TTLL10: variants seen among roughly 807,000 people sequenced by gnomAD.
TTLL10 encodes tubulin tyrosine ligase like 10.
TTLL10 carries 61 observed loss-of-function variants against 69.0 expected under a neutral mutation model. The observed-to-expected ratio is 0.88, with a 90% CI of 0.72 to 1.09. The LOEUF (loss-of-function observed/expected upper bound fraction) is 1.09. Among genes scored for constraint, TTLL10 ranks in the 50% least tolerant of loss-of-function variants. The probability of loss-of-function intolerance (pLI) is 0.00; values close to 1 mark genes in which losing one functional copy is unlikely to be tolerated. For synonymous variants in TTLL10, 408 were observed against 393.3 expected (o/e 1.04, Z -0.44); for missense variants, 962 against 945.9 (o/e 1.02, Z -0.22).
At chr1:1,188,466 G>A (rs1261278076) in intron 13 of TTLL10, among the ~76,000 whole-genome samples, 6 of 151,324 alleles carry the variant, frequency 4.0e-5, no homozygotes, top group Non-Finnish European at 5.9e-5. Flanking sequence ...AGTGCAGTGG[G>A]GCAATCTCAG....
chr1:1,182,026 C>T (rs940461712), intron 9 of TTLL10, among the ~76,000 whole-genome samples: 6 of 152,112 alleles, frequency 3.9e-5, no homozygotes, highest in African/African-American at 1.2e-4. Flanking sequence ...CCACGCTCTC[C>T]GCCCATCCCA....
At chr1:1,178,592 G>T (rs946908956) in intron 3 of TTLL10, among the ~76,000 whole-genome samples, 3 of 151,872 alleles carry the variant, frequency 2.0e-5, no homozygotes, top group African/African-American at 7.3e-5. Context: ...CACCTCCCAA[G>T]CAGCCCCAAG....
At position 1,180,751 on chromosome 1, in the gene TTLL10, C is replaced by A; in HGVS notation, c.646C>A (p.Leu216Ile). The A allele has an allele frequency of 6.2e-7, 1 of 1,608,186 alleles. No individual in the cohort carries two copies. Among genetic ancestry groups the A allele is most frequent in the Non-Finnish European group, 8.5e-7 (1 of 1,177,756 alleles). ...FREGEQLLYQ[L>I]PNNKLLTTKI... is the part of the protein sequence containing the mutation. ...TCCAGGAGAGCAGCTGCTGTACCAG[C>A]TTCCCAACAACAAGCTCCTCACCAC... The change falls in exon 8 of 16, where the codon CTT becomes ATT. Residue 216 changes from leucine to isoleucine, a missense_variant. Coordinates refer to ENST00000379289, the MANE Select transcript of TTLL10 (RefSeq NM_001130045.2).
intron 13 of TTLL10, among the ~76,000 whole-genome samples, chr1:1,194,512 G>A (rs1328780007): frequency 6.6e-6 from 1 of 152,216 alleles, no homozygotes; most frequent in Non-Finnish European, 1.5e-5. Flanking sequence ...CTGAAGGACG[G>A]TAGGGCGGGT....
intron 13 of TTLL10, among the ~76,000 whole-genome samples, chr1:1,188,146 A>G (rs1647481802): frequency 6.7e-6 from 1 of 150,290 alleles, no homozygotes; most frequent in African/African-American, 2.5e-5. Context: ...AGTATCAAAA[A>G]CCAATTGACC....
chr1:1,180,919 C>CCCTGCCCCTGCA (rs1647043165), intron 8 of TTLL10, 59 bp downstream of exon 8: 1 of 1,442,202 alleles, frequency 6.9e-7, no homozygotes, highest in Non-Finnish European at 9.2e-7. Flanking sequence ...CTGCCCCTGC[C>CCCTGCCCCTGCA]CCTGCCCCTG....
chr1:1,174,215 G>A (rs1646815198), intron 1 of TTLL10, 70 bp from the exon 2 acceptor site: 1 of 152,578 alleles, frequency 6.6e-6, no homozygotes, highest in South Asian at 2.1e-4. Flanking sequence ...CCTGGGACCA[G>A]GTCTGCCTCC....
chr1:1,193,306 C>A (rs1353654115), intron 13 of TTLL10, among the ~76,000 whole-genome samples: 2 of 152,114 alleles, frequency 1.3e-5, no homozygotes, highest in Non-Finnish European at 2.9e-5. Context: ...GCCTGGGTGA[C>A]AGAGCGAGAC....
In TTLL10 at chr1:1,197,587, C is replaced by T; in HGVS notation, c.1762C>T (p.Leu588=). The change falls in exon 16 of 16, where the codon CTG becomes TTG. Residue 588 remains leucine (L), a synonymous_variant. Coordinates refer to ENST00000379289, the MANE Select transcript of TTLL10 (RefSeq NM_001130045.2). ...GTGCAGCCTCCGCCGCTGGCCGCCC[C>T]TGCCCACCCGCCAGGCCAAGTCCTC... is the stretch of plus-strand genomic sequence containing the variant. ...GSCSLRRWPP[L]PTRQAKSSGP... is the part of the protein sequence containing the mutation. 1 of 1,513,982 alleles carries T rather than the reference C, an allele frequency of 6.6e-7. No individual in the cohort carries two copies. Among genetic ancestry groups the T allele is most frequent in the Non-Finnish European group, 8.8e-7 (1 of 1,137,048 alleles). The allele number at this position is 1,513,982 out of a possible 1,614,324, so 93.8% of individuals were successfully genotyped here.
chr1:1,180,999 G>A, intron 8 of TTLL10, 139 bp downstream of exon 8: 1 of 719,286 alleles, frequency 1.4e-6, no homozygotes, highest in Non-Finnish European at 2.0e-6. Flanking sequence ...CAGGCTCCCA[G>A]GCTGGCTCCA....
chr1:1,190,693 G>C (rs1647707440), intron 13 of TTLL10, among the ~76,000 whole-genome samples: 1 of 151,994 alleles, frequency 6.6e-6, no homozygotes, highest in East Asian at 1.9e-4. Flanking sequence ...GTTAGGTTAT[G>C]ATTTCAGTTT....
At position 1,179,353 on chromosome 1, in the gene TTLL10, G is replaced by A; in HGVS notation, c.118+20G>A. 1 of 1,548,276 alleles carries A rather than the reference G, an allele frequency of 6.5e-7. No individual in the cohort carries two copies. Among genetic ancestry groups the A allele is most frequent in the Non-Finnish European group, 8.7e-7 (1 of 1,144,306 alleles). ...TCTCAGGTGAATAGAGCAGCCCTGG[G>A]TGGCCTCCTACCTCTCCAAGGCCAA... On this transcript the variant is annotated intron_variant, in intron 4 of 15. Transcript: ENST00000379289.
rs138748574 is a variant in TTLL10 at position 1,189,607 on chromosome 1, G to A, written c.1401+4498G>A. ...GTATTAAGGTAACCCTGGCCTCATA[G>A]CATGTTAGGATGCATTCTTTCCTCT... is the stretch of plus-strand genomic sequence containing the variant. On this transcript the variant is annotated intron_variant, in intron 13 of 15. Coordinates refer to ENST00000379289, the MANE Select transcript of TTLL10 (RefSeq NM_001130045.2). 7.2e-5 allele frequency among the ~76,000 whole-genome samples: 11 copies of A among 152,288 alleles called. No individual in the cohort carries two copies. The East Asian group carries it at 1.9e-3, about 27-fold the overall frequency.
Position 1,182,349 on chromosome 1 carries a change from C to T in TTLL10, c.831-12C>T, listed in dbSNP as rs373113752. 232 of 1,612,598 alleles carry T rather than the reference C, an allele frequency of 1.4e-4. No individual in the cohort carries two copies. The highest frequency in any genetic ancestry group is 1.9e-4 in the Non-Finnish European group (229 of 1,178,956). ...GGACAGCAGCTCATCCTCCTGCCTC[C>T]CTGCCCTGCAGGGTCCTGAGAATGG... is the stretch of plus-strand genomic sequence containing the variant. On this transcript the variant is annotated splice_polypyrimidine_tract_variant and intron_variant, in intron 9 of 15. Coordinates refer to ENST00000379289, the MANE Select transcript of TTLL10 (RefSeq NM_001130045.2).
chr1:1,194,410 T>A (rs1394083182), intron 13 of TTLL10, among the ~76,000 whole-genome samples: 1 of 152,192 alleles, frequency 6.6e-6, no homozygotes, highest in South Asian at 2.1e-4. Context: ...ATGTATGCTG[T>A]CTCTTATATT....
rs1647099531 is a variant in TTLL10 at position 1,182,393 on chromosome 1, C to T, written c.863C>T (p.Thr288Ile). ...VLRMEEFFPETYRLDLKHERE... is the reference protein window; with the variant it reads ...VLRMEEFFPEIYRLDLKHERE... ...AGAATGGAAGAGTTTTTCCCAGAGACCTACCGCCTGGACCTCAAACACGAG... is the reference window on the plus strand; with the variant it reads ...AGAATGGAAGAGTTTTTCCCAGAGATCTACCGCCTGGACCTCAAACACGAG... Residue 288 changes from threonine (T) to isoleucine (I), a missense_variant, in exon 10 of 16, where the codon ACC becomes ATC. By Grantham distance (89) the Thr-to-Ile change is moderately conservative. Coordinates refer to ENST00000379289, the MANE Select transcript of TTLL10 (RefSeq NM_001130045.2). 2 of 1,613,850 alleles carry T rather than the reference C, an allele frequency of 1.2e-6. No homozygotes were observed. Among genetic ancestry groups the T allele is most frequent in the African/African-American group, 2.7e-5 (2 of 74,928 alleles).
intron 3 of TTLL10, chr1:1,175,657 G>A (rs568567048): frequency 1.6e-5 from 7 of 451,046 alleles, no homozygotes; most frequent in African/African-American, 1.4e-4. Context: ...ACTGCGCAGT[G>A]TGTGGCGGGT....
At chr1:1,186,043 C>T (rs1278053943) in intron 13 of TTLL10, among the ~76,000 whole-genome samples, 1 of 151,976 alleles carries the variant, frequency 6.6e-6, no homozygotes, top group African/African-American at 2.4e-5. Flanking sequence ...TTTCTCTTAC[C>T]GTGGTGTTTT....
At chr1:1,177,948 G>A (rs1646925468) in intron 3 of TTLL10, among the ~76,000 whole-genome samples, 1 of 152,188 alleles carries the variant, frequency 6.6e-6, no homozygotes. Flanking sequence ...GGGGGGCCCA[G>A]CCTGTGTTCC....
Sources: gnomAD v4.1 joint callset for allele counts (sites outside exome capture counted in the v4.1 genomes callset) on GRCh38, gnomAD v4.1.1 for gene constraint, MANE v1.5 for transcripts, NCBI Gene and HGNC (gene_info 2026-07-23, HGNC 2026-07-21) for gene names.